The following BRAF variants were observed in gnomAD, a reference collection of about 807,000 sequenced individuals.
The protein encoded by BRAF is B-Raf proto-oncogene, serine/threonine kinase, also known as serine/threonine-protein kinase B-raf.
Under a neutral mutation model 104.6 loss-of-function variants are expected in BRAF, and 16 were observed. That is an observed-to-expected ratio of 0.15 (90% CI 0.10 to 0.23). The LOEUF (loss-of-function observed/expected upper bound fraction) is 0.23. BRAF is among the 10% of genes least tolerant of loss of function. BRAF has a pLI of 1.00. For missense variants in BRAF, 541 were observed against 937.3 expected (o/e 0.58, Z 5.52); for synonymous variants, 310 against 341.6 (o/e 0.91, Z 1.02).
chr7:140,916,964 C>CA (rs1395178019), intron 1 of BRAF, among the ~76,000 whole-genome samples: 1 of 152,178 alleles, frequency 6.6e-6, no homozygotes, highest in African/African-American at 2.4e-5. Flanking sequence ...ATCAATAAAA[C>CA]AGTAGAATCC....
Position 140,803,457 on chromosome 7 carries a change from T to A in BRAF, c.712-1897A>T, listed in dbSNP as rs964119559. Among the ~76,000 whole-genome samples the A allele has an allele frequency of 3.0e-4, 46 of 152,218 alleles. No individual in the cohort carries two copies. The East Asian group carries it at 6.9e-3, about 23-fold the overall frequency. On this transcript the variant is annotated intron_variant, in intron 5 of 19. Transcript: ENST00000644969. ...TAATGGTTAACTTTGGATAAAAATGTAAAAACAATTATTTATAAAACTAGT... is the reference window on the plus strand; with the variant it reads ...TAATGGTTAACTTTGGATAAAAATGAAAAAACAATTATTTATAAAACTAGT...
chr7:140,920,183 T>C (rs1332081116), intron 1 of BRAF, among the ~76,000 whole-genome samples: 2 of 152,204 alleles, frequency 1.3e-5, no homozygotes, highest in African/African-American at 2.4e-5. Flanking sequence ...TAGACCATAC[T>C]GGATTTCATA....
intron 1 of BRAF, among the ~76,000 whole-genome samples, chr7:140,851,912 T>C (rs1809203139): frequency 6.6e-6 from 1 of 152,236 alleles, no homozygotes; most frequent in Non-Finnish European, 1.5e-5. Context: ...GTTTTTTCCA[T>C]ATTCATTTAT....
At chr7:140,781,733 G>T in intron 11 of BRAF, 40 bp from the exon 11 acceptor site, 1 of 1,518,192 alleles carries the variant, frequency 6.6e-7, no homozygotes, top group Non-Finnish European at 9.1e-7. Flanking sequence ...AAGCCAAACA[G>T]AAAAAGAAAA....
intron 3 of BRAF, 83 bp from the exon 4 acceptor site, chr7:140,809,078 T>A: frequency 2.6e-6 from 3 of 1,155,068 alleles, no homozygotes; most frequent in Non-Finnish European, 2.5e-6. Flanking sequence ...TAGTAATTCA[T>A]CTTTAAAAAG....
chr7:140,804,943 T>C (rs966977482), intron 5 of BRAF, among the ~76,000 whole-genome samples: 1 of 152,046 alleles, frequency 6.6e-6, no homozygotes, highest in African/African-American at 2.4e-5. Flanking sequence ...GCCAAGGCTA[T>C]TGGTGCACAC....
intron 1 of BRAF, among the ~76,000 whole-genome samples, chr7:140,866,731 T>C (rs907321259): frequency 2.0e-5 from 3 of 152,052 alleles, no homozygotes; most frequent in African/African-American, 7.2e-5. Context: ...CTTAACGACC[T>C]AAGGCATGAC....
chr7:140,885,051 G>C (rs1813401537), intron 1 of BRAF, among the ~76,000 whole-genome samples: 1 of 151,736 alleles, frequency 6.6e-6, no homozygotes, highest in African/African-American at 2.4e-5. Flanking sequence ...GCCCAGGCTG[G>C]AGTGCAATGG....
intron 5 of BRAF, among the ~76,000 whole-genome samples, chr7:140,802,038 G>A (rs1803172501): frequency 6.6e-6 from 1 of 152,266 alleles, no homozygotes; most frequent in Admixed American, 6.5e-5. Flanking sequence ...AGAGGAGGGA[G>A]AGGAAGAACT....
chr7:140,797,460 CAA>C (rs141654482), intron 7 of BRAF, among the ~76,000 whole-genome samples: 7,519 of 152,158 alleles, frequency 0.049, 318 homozygotes, highest in South Asian at 0.17. Flanking sequence ...TAACAAACTG[CAA>C]AAGAGTTTTG....
intron 1 of BRAF, among the ~76,000 whole-genome samples, chr7:140,923,847 G>A (rs1818537693): frequency 6.6e-6 from 1 of 152,152 alleles, no homozygotes; most frequent in Admixed American, 6.5e-5. Flanking sequence ...AGGCAGGTCC[G>A]ACAACTGGAA....
At chr7:140,783,947 G>GATCTCT (rs1250051643) in intron 10 of BRAF, among the ~76,000 whole-genome samples, 1 of 152,142 alleles carries the variant, frequency 6.6e-6, no homozygotes, top group East Asian at 1.9e-4. Flanking sequence ...TATACTCTTT[G>GATCTCT]GAAGTGATCT....
At chr7:140,922,178 A>G (rs1009602465) in intron 1 of BRAF, among the ~76,000 whole-genome samples, 7 of 152,254 alleles carry the variant, frequency 4.6e-5, no homozygotes, top group African/African-American at 1.7e-4. Context: ...AGAGGACAGT[A>G]GGAAACACTT....
At chr7:140,829,389 T>C (rs745799537) in intron 3 of BRAF, among the ~76,000 whole-genome samples, 1 of 151,850 alleles carries the variant, frequency 6.6e-6, no homozygotes, top group Non-Finnish European at 1.5e-5. Flanking sequence ...TGATAGAATT[T>C]ACTTTTGTAA....
At chr7:140,911,198 G>A (rs1816934776) in intron 1 of BRAF, among the ~76,000 whole-genome samples, 1 of 152,174 alleles carries the variant, frequency 6.6e-6, no homozygotes, top group Non-Finnish European at 1.5e-5. Context: ...ACACACTCTT[G>A]ACTTTGAAGG....
intron 19 of BRAF, chr7:140,734,404 GATGTTAAAAATCCA>G: frequency 6.8e-7 from 1 of 1,464,766 alleles, no homozygotes; most frequent in Admixed American, 2.4e-5. Flanking sequence ...TTAACCCTTG[GATGTTAAAAATCCA>G]ATGTTAAGTA....
chr7:140,820,939 A>C (rs150792476), intron 3 of BRAF, among the ~76,000 whole-genome samples: 223 of 152,320 alleles, frequency 1.5e-3, no homozygotes, highest in African/African-American at 5.0e-3. Context: ...AATAAAATTA[A>C]AAATAAAAAT....
intron 14 of BRAF, among the ~76,000 whole-genome samples, chr7:140,770,324 C>T (rs566190798): frequency 6.6e-6 from 1 of 152,188 alleles, no homozygotes; most frequent in South Asian, 2.1e-4. Flanking sequence ...GTAAAAGAGG[C>T]ATGCTCATCA....
chr7:140,914,219 C>T (rs1817328304), intron 1 of BRAF, among the ~76,000 whole-genome samples: 2 of 152,150 alleles, frequency 1.3e-5, no homozygotes, highest in Admixed American at 6.5e-5. Flanking sequence ...TCATAGCACT[C>T]CTATGATCTA....
Sources: gnomAD v4.1 joint callset for allele counts (sites outside exome capture counted in the v4.1 genomes callset) on GRCh38, gnomAD v4.1.1 for gene constraint, MANE v1.5 for transcripts, NCBI Gene and HGNC (gene_info 2026-07-23, HGNC 2026-07-21) for gene names.